Variants in FOXN3 observed in about 807,000 individuals in gnomAD.
FOXN3 encodes the protein forkhead box protein N3.
FOXN3 carries 7 observed loss-of-function variants against 38.4 expected under a neutral mutation model. The ratio of observed to expected loss-of-function variants is 0.18; its 90% CI spans 0.10 to 0.34. FOXN3 has a LOEUF of 0.34. Ranked by LOEUF, FOXN3 falls within the 10% of genes least tolerant of loss-of-function variation. The pLI is 1.00. For missense variants in FOXN3, 456 were observed against 613.4 expected (o/e 0.74, Z 2.71); for synonymous variants, 230 against 242.2 (o/e 0.95, Z 0.47).
chr14:89,306,795 T>C (rs1887392418), intron 3 of FOXN3, among the ~76,000 whole-genome samples: 1 of 152,222 alleles, frequency 6.6e-6, no homozygotes, highest in Admixed American at 6.5e-5. Flanking sequence ...AAGCTAAGTA[T>C]GGCTTTGACA....
intron 2 of FOXN3, among the ~76,000 whole-genome samples, chr14:89,391,784 T>G (rs1890954925): frequency 6.6e-6 from 1 of 152,120 alleles, no homozygotes; most frequent in Admixed American, 6.6e-5. Flanking sequence ...GTGGGTGGAC[T>G]GCTTGAGCTC....
chr14:89,206,628 A>G (rs1376851170), intron 4 of FOXN3, among the ~76,000 whole-genome samples: 1 of 152,204 alleles, frequency 6.6e-6, no homozygotes, highest in Admixed American at 6.5e-5. Context: ...CATGACGGCA[A>G]CTGGGTTCGT....
At chr14:89,506,832 C>G (rs543838865) in intron 1 of FOXN3, among the ~76,000 whole-genome samples, 1 of 152,184 alleles carries the variant, frequency 6.6e-6, no homozygotes, top group Non-Finnish European at 1.5e-5. Context: ...TTACCCACAA[C>G]CCTGTGCTCA....
intron 3 of FOXN3, among the ~76,000 whole-genome samples, chr14:89,315,159 C>A (rs1391954572): frequency 2.0e-5 from 3 of 152,010 alleles, no homozygotes; most frequent in African/African-American, 4.8e-5. Flanking sequence ...GGCCCAGCAT[C>A]ATTCTAGGGC....
chr14:89,288,064 A>C (rs999106209), intron 3 of FOXN3, among the ~76,000 whole-genome samples: 7 of 55,644 alleles, frequency 1.3e-4, no homozygotes, highest in African/African-American at 3.0e-4. Flanking sequence ...CTGTCTCAAA[A>C]AAAAATATAT....
At chr14:89,291,494 AC>A in intron 3 of FOXN3, 2 of 596,116 alleles carry the variant, frequency 3.4e-6, no homozygotes, top group East Asian at 4.3e-5. Context: ...ACTCTTGCTT[AC>A]CCCGCCATCC....
intron 1 of FOXN3, among the ~76,000 whole-genome samples, chr14:89,487,473 A>G (rs564613678): frequency 6.6e-6 from 1 of 152,364 alleles, no homozygotes; most frequent in East Asian, 1.9e-4. Flanking sequence ...CCTGATATCT[A>G]CTGAGTCAGA....
intron 4 of FOXN3, among the ~76,000 whole-genome samples, chr14:89,265,574 G>A (rs770399684): frequency 6.6e-6 from 1 of 152,158 alleles, no homozygotes; most frequent in Non-Finnish European, 1.5e-5. Context: ...GAACTGGGGG[G>A]ATGGAGGGCT....
rs372417165 is a variant in FOXN3, at chr14:89,180,662, C to T, written c.851+39G>A. The T allele has an allele frequency of 1.0e-4, 149 of 1,473,534 alleles. No individual in the cohort carries two copies. In the African/African-American group the frequency reaches 1.9e-3, roughly 19 times the overall value. The allele number at this position is 1,473,534 out of a possible 1,614,324, so 91.3% of individuals were successfully genotyped here. On this transcript the variant is annotated intron_variant, in intron 5 of 5. Coordinates refer to ENST00000557258, the MANE Select transcript of FOXN3 (RefSeq NM_005197.4). ...CGTGGACAGAAAGCTGCCCTTCCCACTCCCCAGGCTGGCTCTGCCCAGCGC... is the reference window on the plus strand; with the variant it reads ...CGTGGACAGAAAGCTGCCCTTCCCATTCCCCAGGCTGGCTCTGCCCAGCGC...
chr14:89,506,182 C>T (rs1444158109), intron 1 of FOXN3, among the ~76,000 whole-genome samples: 1 of 74,702 alleles, frequency 1.3e-5, no homozygotes, highest in Non-Finnish European at 4.0e-5. Context: ...CCAGCTGCCC[C>T]GTCCGGGCGG....
chr14:89,566,980 GA>G (rs1385706602), intron 1 of FOXN3, among the ~76,000 whole-genome samples: 1 of 151,922 alleles, frequency 6.6e-6, no homozygotes, highest in Admixed American at 6.6e-5. Flanking sequence ...AGAAAAGGAG[GA>G]AAAATGGAAA....
intron 3 of FOXN3, among the ~76,000 whole-genome samples, chr14:89,283,093 G>A (rs146316506): frequency 2.2e-4 from 33 of 152,200 alleles, no homozygotes; most frequent in African/African-American, 7.9e-4. Context: ...CCAGCTCAGG[G>A]TAAGTCAGCT....
chr14:89,363,302 G>A (rs908346963), intron 2 of FOXN3, among the ~76,000 whole-genome samples: 1 of 152,162 alleles, frequency 6.6e-6, no homozygotes, highest in African/African-American at 2.4e-5. Flanking sequence ...CCCCTGCATG[G>A]GGTCCAAGTT....
At chr14:89,437,385 T>C (rs906251171) in intron 1 of FOXN3, among the ~76,000 whole-genome samples, 1 of 152,106 alleles carries the variant, frequency 6.6e-6, no homozygotes, top group Non-Finnish European at 1.5e-5. Context: ...TGGGCCCATT[T>C]CTACCTCCAA....
intron 1 of FOXN3, among the ~76,000 whole-genome samples, chr14:89,618,037 T>C (rs1417326954): frequency 6.6e-6 from 1 of 152,194 alleles, no homozygotes; most frequent in Admixed American, 6.5e-5. Context: ...TATAACAGGA[T>C]GTCTTCCTTA....
chr14:89,504,499 A>T (rs1283131173), intron 1 of FOXN3, among the ~76,000 whole-genome samples: 1 of 152,128 alleles, frequency 6.6e-6, no homozygotes, highest in Non-Finnish European at 1.5e-5. Context: ...CTAATTCTTC[A>T]ATCTGCCCCA....
chr14:89,610,161 A>G (rs1037491964), intron 1 of FOXN3, among the ~76,000 whole-genome samples: 12 of 152,312 alleles, frequency 7.9e-5, no homozygotes, highest in Admixed American at 5.9e-4. Context: ...TGAAGAGGAA[A>G]GAGTGGTAGC....
At chr14:89,339,879 C>T (rs907400894) in intron 3 of FOXN3, among the ~76,000 whole-genome samples, 19 of 152,298 alleles carry the variant, frequency 1.2e-4, no homozygotes, top group African/African-American at 4.3e-4. Context: ...CCACCTCCCA[C>T]GCGGGACTCT....
intron 2 of FOXN3, among the ~76,000 whole-genome samples, chr14:89,374,080 A>C (rs1273312786): frequency 6.6e-6 from 1 of 151,928 alleles, no homozygotes; most frequent in East Asian, 1.9e-4. Context: ...AGTCTGGGCA[A>C]CACGAGGAAA....
Sources: gnomAD v4.1 joint callset for allele counts (sites outside exome capture counted in the v4.1 genomes callset) on GRCh38, gnomAD v4.1.1 for gene constraint, MANE v1.5 for transcripts, NCBI Gene and HGNC (gene_info 2026-07-23, HGNC 2026-07-21) for gene names.